Variants in LPP observed in about 807,000 individuals in gnomAD.
The protein encoded by LPP is LIM domain containing preferred translocation partner in lipoma, also known as lipoma-preferred partner.
Under a neutral mutation model 60.4 loss-of-function variants are expected in LPP, and 38 were observed. The observed-to-expected ratio is 0.63, with a 90% confidence interval of 0.49 to 0.83. The LOEUF is 0.83. Ranked by LOEUF, LPP falls within the 40% of genes least tolerant of loss-of-function variation. LPP has a pLI of 0.00. For missense variants in LPP, 902 were observed against 783.6 expected, an observed-to-expected ratio of 1.15 and a Z score of -1.80; for synonymous variants, 328 against 290.8, an observed-to-expected ratio of 1.13 and a Z score of -1.30.
At chr3:188,754,018 T>C (rs538694758) in intron 8 of LPP, among the ~76,000 whole-genome samples, 1 of 152,360 alleles carries the variant, frequency 6.6e-6, no homozygotes, top group African/African-American at 2.4e-5. Context: ...TGCATATTGC[T>C]ACATTATGTA....
chr3:188,676,504 A>G (rs551583819), intron 7 of LPP, among the ~76,000 whole-genome samples: 37 of 152,344 alleles, frequency 2.4e-4, no homozygotes, highest in Non-Finnish European at 1.2e-4. Flanking sequence ...TGAAAAGATT[A>G]AAACAAACAA....
intron 6 of LPP, among the ~76,000 whole-genome samples, chr3:188,537,886 T>C (rs1442133657): frequency 6.6e-6 from 1 of 152,134 alleles, no homozygotes; most frequent in Non-Finnish European, 1.5e-5. Flanking sequence ...GATATTGGCC[T>C]AAGATATACA....
At chr3:188,542,916 G>A (rs1251448191) in intron 6 of LPP, among the ~76,000 whole-genome samples, 2 of 152,130 alleles carry the variant, frequency 1.3e-5, no homozygotes, top group Non-Finnish European at 2.9e-5. Flanking sequence ...TGTTCTCAGT[G>A]TTAAAAGGAA....
intron 6 of LPP, among the ~76,000 whole-genome samples, chr3:188,578,124 A>G (rs1054055967): frequency 3.3e-5 from 5 of 152,104 alleles, no homozygotes; most frequent in African/African-American, 1.2e-4. Flanking sequence ...ATATAGAGTG[A>G]CCATCCTTGC....
At chr3:188,667,775 GTTT>G in intron 7 of LPP, among the ~76,000 whole-genome samples, 1 of 145,534 alleles carries the variant, frequency 6.9e-6, no homozygotes, top group East Asian at 2.0e-4. Flanking sequence ...AGTTGTTATA[GTTT>G]TTTTTTTTCT....
At chr3:188,453,337 C>G (rs770982978) in intron 4 of LPP, among the ~76,000 whole-genome samples, 5 of 152,062 alleles carry the variant, frequency 3.3e-5, no homozygotes, top group Non-Finnish European at 7.4e-5. Flanking sequence ...GGGTCTCACT[C>G]CGATCACCCA....
intron 9 of LPP, among the ~76,000 whole-genome samples, chr3:188,859,693 A>G (rs1388071261): frequency 1.3e-5 from 2 of 152,256 alleles, no homozygotes; most frequent in Non-Finnish European, 2.9e-5. Context: ...AGTTTATAAG[A>G]AAACTGAGGC....
At chr3:188,502,617 A>G (rs532838865) in intron 5 of LPP, among the ~76,000 whole-genome samples, 2 of 152,316 alleles carry the variant, frequency 1.3e-5, no homozygotes, top group East Asian at 3.9e-4. Flanking sequence ...ATTATTGATA[A>G]GTAGAGAATT....
intron 1 of LPP, among the ~76,000 whole-genome samples, chr3:188,215,870 A>G (rs1033853676): frequency 6.6e-6 from 1 of 152,194 alleles, no homozygotes; most frequent in African/African-American, 2.4e-5. Context: ...TCTCAACTGG[A>G]TGGTGACACC....
At chr3:188,446,528 T>C (rs531501253) in intron 4 of LPP, among the ~76,000 whole-genome samples, 15 of 152,292 alleles carry the variant, frequency 9.8e-5, no homozygotes, top group Non-Finnish European at 2.1e-4. Flanking sequence ...CTTCTGTGGG[T>C]TTTTATTTTT....
At chr3:188,170,105 A>T (rs1416026754) in intron 1 of LPP, among the ~76,000 whole-genome samples, 1 of 152,150 alleles carries the variant, frequency 6.6e-6, no homozygotes, top group East Asian at 1.9e-4. Context: ...ATGTAGACCA[A>T]TTTTTATTAT....
chr3:188,651,168 A>T (rs868661448), intron 7 of LPP, among the ~76,000 whole-genome samples: 3 of 152,172 alleles, frequency 2.0e-5, no homozygotes, highest in Admixed American at 1.3e-4. Context: ...TGTTCTGAGG[A>T]TATTGTGTGC....
At chr3:188,351,978 AC>A (rs1765983417) in intron 3 of LPP, among the ~76,000 whole-genome samples, 2 of 152,158 alleles carry the variant, frequency 1.3e-5, no homozygotes, top group South Asian at 4.1e-4. Context: ...ATTGGCTTTT[AC>A]TTGCACTTAC....
chr3:188,714,423 G>A (rs182418459), intron 8 of LPP, among the ~76,000 whole-genome samples: 3 of 152,270 alleles, frequency 2.0e-5, no homozygotes, highest in African/African-American at 7.2e-5. Context: ...CATACATTAG[G>A]AAGACCGTCT....
chr3:188,369,801 C>A (rs1468673706), intron 3 of LPP, among the ~76,000 whole-genome samples: 1 of 152,126 alleles, frequency 6.6e-6, no homozygotes, highest in Non-Finnish European at 1.5e-5. Context: ...CTTTCCCTTC[C>A]CTAGGCCTGA....
chr3:188,658,556 T>G (rs1853884109), intron 7 of LPP, among the ~76,000 whole-genome samples: 1 of 152,222 alleles, frequency 6.6e-6, no homozygotes, highest in South Asian at 2.1e-4. Flanking sequence ...CTTGGCTGCT[T>G]CTTCCTGGCA....
chr3:188,348,153 CT>C (rs879664979), intron 3 of LPP, among the ~76,000 whole-genome samples: 18 of 147,646 alleles, frequency 1.2e-4, no homozygotes, highest in African/African-American at 1.2e-4. Context: ...TTCTTTCTTT[CT>C]TTTTTTTTTG....
intron 6 of LPP, among the ~76,000 whole-genome samples, chr3:188,597,179 A>G (rs764732689): frequency 1.3e-5 from 2 of 152,170 alleles, no homozygotes; most frequent in Non-Finnish European, 2.9e-5. Flanking sequence ...TGTTTCCTTG[A>G]GGAAAATGTA....
intron 1 of LPP, among the ~76,000 whole-genome samples, chr3:188,208,967 C>T (rs975808156): frequency 2.0e-5 from 3 of 152,174 alleles, no homozygotes; most frequent in Non-Finnish European, 4.4e-5. Flanking sequence ...AATGCCTTAC[C>T]CTTTTCCATA....
Sources: allele counts gnomAD v4.1 joint callset (sites outside exome capture counted in the v4.1 genomes callset), GRCh38; gene constraint gnomAD v4.1.1; transcripts MANE v1.5; gene names NCBI Gene and HGNC (gene_info 2026-07-23, HGNC 2026-07-21).